Variants in CHODL observed in about 807,000 individuals in gnomAD.
The protein encoded by CHODL is transmembrane protein MT75.
CHODL carries 29 observed loss-of-function variants against 34.5 expected under a neutral mutation model. The ratio of observed to expected loss-of-function variants is 0.84; its 90% CI spans 0.63 to 1.15. The LOEUF is 1.15. CHODL is among the 50% of genes most tolerant of loss of function. The probability of loss-of-function intolerance (pLI) is 0.00; values close to 1 mark genes in which losing one functional copy is unlikely to be tolerated. For missense variants in CHODL, 332 were observed against 332.5 expected, an observed-to-expected ratio of 1.00 and a Z score of 0.01; for synonymous variants, 125 against 116.1, an observed-to-expected ratio of 1.08 and a Z score of -0.49.
intron 2 of CHODL, among the ~76,000 whole-genome samples, chr21:18,135,913 C>T (rs1479377461): frequency 6.6e-6 from 1 of 151,834 alleles, no homozygotes; most frequent in Non-Finnish European, 1.5e-5. Flanking sequence ...TCAAGACAAT[C>T]CCGGCCGACA....
chr21:18,058,388 G>A (rs1047994495), intron 2 of CHODL, among the ~76,000 whole-genome samples: 2 of 152,178 alleles, frequency 1.3e-5, no homozygotes, highest in Non-Finnish European at 2.9e-5. Context: ...GTATCAAAGA[G>A]ATAGCTGCAT....
chr21:18,213,151 C>T (rs773627775), intron 2 of CHODL, among the ~76,000 whole-genome samples: 3 of 152,150 alleles, frequency 2.0e-5, no homozygotes, highest in East Asian at 1.9e-4. Flanking sequence ...ATGATTTGAT[C>T]GAAGATACAT....
At chr21:18,006,072 C>T (rs7509857) in intron 1 of CHODL, among the ~76,000 whole-genome samples, 52,130 of 151,970 alleles carry the variant, frequency 0.34, 10,218 homozygotes, top group African/African-American at 0.54. Flanking sequence ...TTTGCTTGGC[C>T]GTCATTCTCT....
intron 1 of CHODL, among the ~76,000 whole-genome samples, chr21:17,993,757 A>T (rs1196566288): frequency 6.6e-6 from 1 of 152,218 alleles, no homozygotes; most frequent in Non-Finnish European, 1.5e-5. Context: ...TAGGTAGAAT[A>T]GTATTTCTGT....
chr21:17,990,199 A>T, intron 1 of CHODL, among the ~76,000 whole-genome samples: 1 of 152,104 alleles, frequency 6.6e-6, no homozygotes, highest in African/African-American at 2.4e-5. Flanking sequence ...AAAACATTAT[A>T]ATATAAAATA....
At chr21:18,082,770 T>G (rs1407399014) in intron 2 of CHODL, among the ~76,000 whole-genome samples, 1 of 152,158 alleles carries the variant, frequency 6.6e-6, no homozygotes, top group Non-Finnish European at 1.5e-5. Context: ...AATTTCGAAG[T>G]GGCAAAGCAT....
chr21:18,052,091 T>A (rs2064523032), intron 2 of CHODL, among the ~76,000 whole-genome samples: 1 of 151,930 alleles, frequency 6.6e-6, no homozygotes, highest in South Asian at 2.1e-4. Context: ...TTTCAGTGTT[T>A]AAATTGCTCC....
intron 1 of CHODL, among the ~76,000 whole-genome samples, chr21:17,988,133 A>G (rs148436577): frequency 6.6e-6 from 1 of 152,344 alleles, no homozygotes; most frequent in African/African-American, 2.4e-5. Context: ...AGCAGTTGCA[A>G]AACGCATTAA....
intron 1 of CHODL, among the ~76,000 whole-genome samples, chr21:17,978,353 CG>C (rs1424527813): frequency 2.1e-5 from 3 of 146,142 alleles, no homozygotes; most frequent in Non-Finnish European, 4.5e-5. Flanking sequence ...ACCTGGCAGG[CG>C]GAGCTTGCAA....
intron 2 of CHODL, among the ~76,000 whole-genome samples, chr21:18,154,911 C>T (rs539212694): frequency 3.9e-5 from 6 of 152,122 alleles, no homozygotes; most frequent in African/African-American, 1.2e-4. Flanking sequence ...ATGTAGAGAT[C>T]GTATCTGGGA....
chr21:17,964,111 T>A (rs1264197803), intron 1 of CHODL, among the ~76,000 whole-genome samples: 2 of 152,202 alleles, frequency 1.3e-5, no homozygotes, highest in Non-Finnish European at 2.9e-5. Flanking sequence ...AACATAACAT[T>A]CATGCTTTGA....
chr21:18,083,836 C>T (rs371031892), intron 2 of CHODL, among the ~76,000 whole-genome samples: 13 of 152,288 alleles, frequency 8.5e-5, no homozygotes, highest in African/African-American at 2.9e-4. Context: ...TTTATAGGCT[C>T]ATGGACAGAA....
chr21:17,983,686 G>T lies in CHODL; in HGVS notation c.-144-44186G>T, dbSNP rs145943669. ...TTGTTTCATAATTTATGAAATACTA[G>T]CTTATTTTGTTTGCCTGTTTCTTTG... On this transcript the variant is annotated intron_variant, in intron 1 of 6. Coordinates refer to the CHODL transcript ENST00000400127. Among the ~76,000 whole-genome samples, 533 of 152,030 alleles carry T rather than the reference G, an allele frequency of 3.5e-3. 2 individuals are homozygous for T. The highest frequency in any genetic ancestry group is 0.012 in the African/African-American group (506 of 41,464).
intron 2 of CHODL, among the ~76,000 whole-genome samples, chr21:18,041,099 T>C (rs977847442): frequency 2.6e-5 from 4 of 151,976 alleles, no homozygotes; most frequent in Non-Finnish European, 5.9e-5. Context: ...AAAAATTATA[T>C]GATGATTTCT....
At chr21:18,144,217 T>C (rs2146614765) in intron 2 of CHODL, among the ~76,000 whole-genome samples, 1 of 152,294 alleles carries the variant, frequency 6.6e-6, no homozygotes, top group South Asian at 2.1e-4. Flanking sequence ...ATCAGTTATT[T>C]GATACCTGAG....
chr21:17,983,911 G>C (rs1277785608), intron 1 of CHODL, among the ~76,000 whole-genome samples: 1 of 80,510 alleles, frequency 1.2e-5, no homozygotes, highest in African/African-American at 6.3e-5. Flanking sequence ...AAGTGTGTGT[G>C]TGGGGGGGGT....
At chr21:17,956,080 A>G (rs1295731764) in intron 1 of CHODL, among the ~76,000 whole-genome samples, 1 of 136,422 alleles carries the variant, frequency 7.3e-6, no homozygotes, top group East Asian at 2.2e-4. Flanking sequence ...CATCTGATAT[A>G]GTTTGAATAT....
intron 2 of CHODL, among the ~76,000 whole-genome samples, chr21:18,159,910 G>C (rs543514108): frequency 6.6e-6 from 1 of 152,160 alleles, no homozygotes; most frequent in Non-Finnish European, 1.5e-5. Flanking sequence ...GAAAAGGCAA[G>C]GAACTGGATT....
intron 1 of CHODL, among the ~76,000 whole-genome samples, chr21:18,025,129 A>T (rs994230394): frequency 6.6e-6 from 1 of 152,326 alleles, no homozygotes; most frequent in East Asian, 1.9e-4. Flanking sequence ...GTTCAGAAGT[A>T]CTGAGTTTTA....
Sources: allele counts gnomAD v4.1 joint callset (sites outside exome capture counted in the v4.1 genomes callset), GRCh38; gene constraint gnomAD v4.1.1; transcripts MANE v1.5; gene names NCBI Gene and HGNC (gene_info 2026-07-23, HGNC 2026-07-21).